Variants in THRB observed in about 807,000 individuals in gnomAD.
THRB encodes the protein thyroid hormone receptor beta.
THRB carries 12 observed loss-of-function variants against 47.8 expected under a neutral mutation model. That is an observed-to-expected ratio of 0.25 (90% confidence interval 0.16 to 0.41). The LOEUF (loss-of-function observed/expected upper bound fraction) is 0.41, where lower values mean the gene tolerates loss of function less well. Ranked by LOEUF, THRB falls within the 10% of genes least tolerant of loss-of-function variation. THRB has a pLI of 1.00. For synonymous variants in THRB, 218 were observed against 212.2 expected (o/e 1.03, Z -0.24); for missense variants, 348 against 589.2 (o/e 0.59, Z 4.24).
At chr3:24,295,713 GC>G (rs573297221) in intron 3 of THRB, among the ~76,000 whole-genome samples, 68 of 152,252 alleles carry the variant, frequency 4.5e-4, no homozygotes, top group African/African-American at 1.5e-3. Context: ...TGTTAATGAG[GC>G]CAGCTTGGGG....
rs913325824 is a variant in THRB at position 24,284,110 on chromosome 3, C to A, written c.-43+13116G>T. ...AAGTTCATATGGAACCAAAAAAGAG[C>A]CCGCATCGCCAAGTCAATCCTGAGC... On this transcript the variant is annotated intron_variant, in intron 3 of 10. Coordinates refer to ENST00000646209, the MANE Select transcript of THRB (RefSeq NM_001354712.2). Among the ~76,000 whole-genome samples, 144 of 146,120 alleles carry A rather than the reference C, an allele frequency of 9.9e-4. 1 individual carries two copies. The highest frequency in any genetic ancestry group is 3.5e-3 in the African/African-American group (137 of 39,522).
At chr3:24,452,023 T>C (rs541534796) in intron 1 of THRB, among the ~76,000 whole-genome samples, 2 of 152,120 alleles carry the variant, frequency 1.3e-5, no homozygotes, top group African/African-American at 4.8e-5. Flanking sequence ...GTCTTTAGCA[T>C]TTAGAGATGA....
chr3:24,476,075 G>C (rs1695410991), intron 1 of THRB, among the ~76,000 whole-genome samples: 1 of 152,362 alleles, frequency 6.6e-6, no homozygotes, highest in African/African-American at 2.4e-5. Flanking sequence ...GGCACTTTCA[G>C]AGACAACTCA....
rs534221097 is a variant in THRB, at chr3:24,206,358, C to T, written c.23-16024G>A. ...CAGGATTAAGAAACTCACTCAAAACCGCTCAACTACATGGAAACTGAACAA... is the reference window on the plus strand; with the variant it reads ...CAGGATTAAGAAACTCACTCAAAACTGCTCAACTACATGGAAACTGAACAA... On this transcript the variant is annotated intron_variant, in intron 4 of 10. Transcript: ENST00000646209. Among the ~76,000 whole-genome samples the T allele has an allele frequency of 2.8e-4, 43 of 152,214 alleles. No homozygotes were observed. In the South Asian group the frequency reaches 6.5e-3, roughly 23 times the overall value.
intron 8 of THRB, among the ~76,000 whole-genome samples, chr3:24,140,505 A>G (rs577057834): frequency 1.2e-4 from 18 of 152,142 alleles, no homozygotes; most frequent in African/African-American, 4.3e-4. Flanking sequence ...GCCTTTTTAC[A>G]TGGCTAGCTT....
intron 3 of THRB, among the ~76,000 whole-genome samples, chr3:24,276,924 G>A (rs989778607): frequency 3.9e-5 from 6 of 152,146 alleles, no homozygotes; most frequent in Admixed American, 2.0e-4. Flanking sequence ...ATGATTAAAT[G>A]TATACCATTT....
At chr3:24,474,533 C>T (rs1267010166) in intron 1 of THRB, among the ~76,000 whole-genome samples, 1 of 152,184 alleles carries the variant, frequency 6.6e-6, no homozygotes, top group Non-Finnish European at 1.5e-5. Context: ...AACTATTTGC[C>T]ATCCTAGGCT....
intron 1 of THRB, among the ~76,000 whole-genome samples, chr3:24,429,194 TTGGGGAGGAGACATAAATA>T (rs1349591017): frequency 6.6e-6 from 1 of 150,864 alleles, no homozygotes; most frequent in Non-Finnish European, 1.5e-5. Context: ...TAGCACAGAG[TTGGGGAGGAGACATAAATA>T]TGTGATATAT....
chr3:24,485,614 C>G lies in THRB; in HGVS notation c.-261+9038G>C, dbSNP rs114588134. 4.1e-3 allele frequency among the ~76,000 whole-genome samples: 629 copies of G among 152,266 alleles called. 5 individuals carry two copies. The highest frequency in any genetic ancestry group is 0.015 in the African/African-American group (609 of 41,564). ...ACAAAGTCAATCTTCCTTATTGTGC[C>G]CAGGAAGGTCCTCGCCATCTGGCTC... is the stretch of plus-strand genomic sequence containing the variant. On this transcript the variant is annotated intron_variant, in intron 1 of 10. Transcript: ENST00000646209.
At chr3:24,125,807 T>G (rs2032655691) in intron 10 of THRB, among the ~76,000 whole-genome samples, 1 of 152,086 alleles carries the variant, frequency 6.6e-6, no homozygotes, top group Non-Finnish European at 1.5e-5. Context: ...TGTAATGTAA[T>G]CACAAGGGGT....
intron 4 of THRB, among the ~76,000 whole-genome samples, chr3:24,203,583 C>T (rs538541151): frequency 1.3e-5 from 2 of 152,230 alleles, no homozygotes; most frequent in Admixed American, 6.5e-5. Flanking sequence ...GCATGAGCGA[C>T]GCAGAAGATG....
intron 5 of THRB, among the ~76,000 whole-genome samples, chr3:24,166,169 T>G (rs2039620551): frequency 6.6e-6 from 1 of 152,234 alleles, no homozygotes; most frequent in African/African-American, 2.4e-5. Flanking sequence ...GCATGATTAT[T>G]TTCTACTTCA....
At chr3:24,475,477 A>G (rs937409993) in intron 1 of THRB, among the ~76,000 whole-genome samples, 1 of 152,096 alleles carries the variant, frequency 6.6e-6, no homozygotes, top group African/African-American at 2.4e-5. Context: ...TATTTGTATA[A>G]TTTGTGTATG....
At chr3:24,299,249 TAAAAAAAAAAA>T (rs36061929) in intron 2 of THRB, among the ~76,000 whole-genome samples, 1 of 70,190 alleles carries the variant, frequency 1.4e-5, no homozygotes, top group African/African-American at 6.2e-5. Context: ...CTCAGTCTCA[TAAAAAAAAAAA>T]AAAAAAAAAA....
intron 2 of THRB, among the ~76,000 whole-genome samples, chr3:24,305,644 T>C (rs538747741): frequency 6.6e-6 from 1 of 152,294 alleles, no homozygotes; most frequent in Admixed American, 6.5e-5. Flanking sequence ...GTTGGAAGCA[T>C]TTTAATATAT....
intron 3 of THRB, among the ~76,000 whole-genome samples, chr3:24,235,298 C>T (rs73823245): frequency 0.012 from 1,831 of 152,240 alleles, 41 homozygotes; most frequent in African/African-American, 0.04. Context: ...TTCTCTGTAT[C>T]GAAACTACAG....
chr3:24,437,173 GTA>G lies in THRB; in HGVS notation c.-261+57477_-261+57478del, dbSNP rs1247832134. 1.2e-4 allele frequency among the ~76,000 whole-genome samples: 17 copies of G among 147,224 alleles called. No individual in the cohort carries two copies. The South Asian group carries it at 2.8e-3, about 24-fold the overall frequency. On this transcript the variant is annotated intron_variant, in intron 1 of 10. Coordinates refer to ENST00000646209, the MANE Select transcript of THRB (RefSeq NM_001354712.2). Reference sequence around the variant, plus strand: ...ATGAAATGTATATATATAACGAAATGTATATATATATATAATGAAATATTATT... The same window carrying G: ...ATGAAATGTATATATATAACGAAATGTATATATATATAATGAAATATTATT...
chr3:24,474,112 A>T (rs746895716), intron 1 of THRB, among the ~76,000 whole-genome samples: 19 of 152,224 alleles, frequency 1.2e-4, no homozygotes, highest in Admixed American at 2.6e-4. Context: ...AGTATAATTT[A>T]AAAAAAGTTC....
intron 3 of THRB, among the ~76,000 whole-genome samples, chr3:24,268,986 C>T (rs1049791274): frequency 4.6e-5 from 7 of 152,212 alleles, no homozygotes; most frequent in Admixed American, 2.0e-4. Context: ...ATTAGCCATA[C>T]AGGCAACATG....
Sources: gnomAD v4.1 joint callset for allele counts (sites outside exome capture counted in the v4.1 genomes callset) on GRCh38, gnomAD v4.1.1 for gene constraint, MANE v1.5 for transcripts, NCBI Gene and HGNC (gene_info 2026-07-23, HGNC 2026-07-21) for gene names.